Variants in BTRC observed in about 807,000 individuals in gnomAD.
BTRC encodes beta-transducin repeat containing E3 ubiquitin protein ligase, also known as F-box/WD repeat-containing protein 1A.
In BTRC, 42 loss-of-function variants were observed where a neutral mutation model predicts 85.5. The ratio of observed to expected loss-of-function variants is 0.49; its 90% CI spans 0.38 to 0.64. The LOEUF is 0.64. Ranked by LOEUF, BTRC falls within the 30% of genes least tolerant of loss-of-function variation. The probability of loss-of-function intolerance (pLI) is 0.00; values close to 1 mark genes in which losing one functional copy is unlikely to be tolerated. For missense variants in BTRC, 594 were observed against 743.5 expected (o/e 0.80, Z 2.34); for synonymous variants, 255 against 263.3 (o/e 0.97, Z 0.30).
intron 2 of BTRC, among the ~76,000 whole-genome samples, chr10:101,455,397 G>C (rs1945050372): frequency 6.6e-6 from 1 of 152,042 alleles, no homozygotes; most frequent in African/African-American, 2.4e-5. Flanking sequence ...AACAGAAACT[G>C]GCCCTGCCTT....
chr10:101,422,607 AC>A (rs1187377380), intron 1 of BTRC, among the ~76,000 whole-genome samples: 1 of 152,180 alleles, frequency 6.6e-6, no homozygotes, highest in East Asian at 1.9e-4. Flanking sequence ...TTTAGGTCTA[AC>A]ATTTAAGTCT....
At chr10:101,436,058 TTG>T (rs1242706551) in intron 2 of BTRC, among the ~76,000 whole-genome samples, 1 of 152,184 alleles carries the variant, frequency 6.6e-6, no homozygotes, top group African/African-American at 2.4e-5. Context: ...CTGAAAAAAG[TTG>T]TTAGAATAAA....
chr10:101,407,059 T>C (rs537920248), intron 1 of BTRC, among the ~76,000 whole-genome samples: 8 of 152,278 alleles, frequency 5.3e-5, no homozygotes, highest in African/African-American at 1.9e-4. Flanking sequence ...TGTAGCCACA[T>C]TGAAAATGTG....
At chr10:101,366,949 T>TATATTA (rs1942446327) in intron 1 of BTRC, among the ~76,000 whole-genome samples, 2 of 39,496 alleles carry the variant, frequency 5.1e-5, no homozygotes, top group African/African-American at 1.6e-4. Context: ...TATATATATT[T>TATATTA]ATATATATAT....
At chr10:101,469,614 A>G (rs1055875071) in intron 3 of BTRC, among the ~76,000 whole-genome samples, 1 of 152,246 alleles carries the variant, frequency 6.6e-6, no homozygotes, top group African/African-American at 2.4e-5. Flanking sequence ...AGATACTTCT[A>G]TTGGAAGTTT....
chr10:101,441,791 G>T (rs182513570), intron 2 of BTRC, among the ~76,000 whole-genome samples: 1 of 143,448 alleles, frequency 7.0e-6, no homozygotes, highest in Non-Finnish European at 1.5e-5. Context: ...TAAGGCACGC[G>T]AATCGCTTGA....
At chr10:101,543,535 G>T (rs1173733538) in intron 13 of BTRC, among the ~76,000 whole-genome samples, 1 of 140,090 alleles carries the variant, frequency 7.1e-6, no homozygotes, top group Non-Finnish European at 1.5e-5. Context: ...TGTAATTTTT[G>T]TATGTTTGGA....
intron 4 of BTRC, among the ~76,000 whole-genome samples, chr10:101,480,712 A>C (rs1397809463): frequency 6.6e-6 from 1 of 152,234 alleles, no homozygotes; most frequent in Non-Finnish European, 1.5e-5. Context: ...GAAATGTATC[A>C]CACAAAATAT....
At chr10:101,493,498 C>T (rs1946185592) in intron 4 of BTRC, among the ~76,000 whole-genome samples, 1 of 152,178 alleles carries the variant, frequency 6.6e-6, no homozygotes. Context: ...GCTTTCAAAC[C>T]ACTGTGTTTG....
chr10:101,536,505 A>G, intron 11 of BTRC, 38 bp from the exon 12 acceptor site: 1 of 1,472,206 alleles, frequency 6.8e-7, no homozygotes, highest in Middle Eastern at 1.7e-4. Flanking sequence ...TTAGAAAAGA[A>G]TACGTGAAAA....
chr10:101,389,128 T>A, intron 1 of BTRC, among the ~76,000 whole-genome samples: 1 of 135,592 alleles, frequency 7.4e-6, no homozygotes, highest in South Asian at 2.6e-4. Context: ...TGTTTTTTTT[T>A]TTTTTTTTTT....
rs553683476 is a variant in BTRC, at chr10:101,365,080, A to AT, written c.48+10862dup. ...TTCTTTTTAAAATTTTTTTATTTTT[A>AT]TTTTTTTTTTAAGATGGAGTTTCGC... On this transcript the variant is annotated intron_variant, in intron 1 of 14. Transcript: ENST00000370187. 252 of 148,514 alleles carry AT rather than the reference A, an allele frequency of 1.7e-3. 5 individuals carry two copies. In the South Asian group the frequency reaches 0.05, roughly 30 times the overall value. The allele number at this position is 148,514 out of a possible 1,614,324, so 9.2% of individuals were successfully genotyped here.
At chr10:101,398,771 A>G (rs1943425984) in intron 1 of BTRC, among the ~76,000 whole-genome samples, 1 of 152,174 alleles carries the variant, frequency 6.6e-6, no homozygotes, top group Non-Finnish European at 1.5e-5. Context: ...GTTATAAGAA[A>G]TAATATTGAC....
chr10:101,441,219 T>C (rs1477233128), intron 2 of BTRC, among the ~76,000 whole-genome samples: 2 of 152,234 alleles, frequency 1.3e-5, no homozygotes, highest in African/African-American at 2.4e-5. Context: ...AAATATGCTT[T>C]ATGGAGTTTT....
At position 101,408,462 on chromosome 10, in the gene BTRC, A is replaced by T. The variant is rs1292647539; in HGVS notation, c.49-21883A>T. 3.9e-5 allele frequency among the ~76,000 whole-genome samples: 6 copies of T among 151,978 alleles called. No homozygotes were observed. The East Asian group carries it at 1.2e-3, about 29-fold the overall frequency. On this transcript the variant is annotated intron_variant, in intron 1 of 14. Transcript: ENST00000370187. Reference sequence around the variant, plus strand: ...GCTGGGACTATAGGCATGCACCACTATGCCTGGCTAATTTTTGTATTTTTT... The same window carrying T: ...GCTGGGACTATAGGCATGCACCACTTTGCCTGGCTAATTTTTGTATTTTTT...
chr10:101,508,830 C>T (rs1946609834), intron 4 of BTRC, among the ~76,000 whole-genome samples: 1 of 144,856 alleles, frequency 6.9e-6, no homozygotes, highest in Non-Finnish European at 1.5e-5. Flanking sequence ...AGGAGAATGG[C>T]GTGAACCCAG....
chr10:101,420,032 C>CTG (rs1589444903), intron 1 of BTRC, among the ~76,000 whole-genome samples: 1 of 123,636 alleles, frequency 8.1e-6, no homozygotes, highest in East Asian at 2.4e-4. Context: ...GGTAGTCAGT[C>CTG]TGTGTGTGTC....
intron 6 of BTRC, among the ~76,000 whole-genome samples, chr10:101,528,616 T>C (rs1440630940): frequency 6.6e-6 from 1 of 152,196 alleles, no homozygotes; most frequent in Non-Finnish European, 1.5e-5. Flanking sequence ...CCGTGTCAAC[T>C]TCCTCCATTA....
chr10:101,357,950 T>G (rs1223342107), intron 1 of BTRC, among the ~76,000 whole-genome samples: 1 of 152,224 alleles, frequency 6.6e-6, no homozygotes, highest in African/African-American at 2.4e-5. Context: ...TTCTTAATAC[T>G]TTTTTGGTTA....
Sources: allele counts gnomAD v4.1 joint callset (sites outside exome capture counted in the v4.1 genomes callset), GRCh38; gene constraint gnomAD v4.1.1; transcripts MANE v1.5; gene names NCBI Gene and HGNC (gene_info 2026-07-23, HGNC 2026-07-21).